DNAJC10: variants seen among roughly 807,000 people sequenced by gnomAD.
DNAJC10 encodes endoplasmic reticulum disulfide reductase DNAJC10.
DNAJC10 carries 101 observed loss-of-function variants against 115.0 expected under a neutral mutation model. The observed-to-expected ratio is 0.88, with a 90% CI of 0.75 to 1.04. The LOEUF (loss-of-function observed/expected upper bound fraction) is 1.04, where lower values mean the gene tolerates loss of function less well. Ranked by LOEUF, DNAJC10 falls within the 50% of genes least tolerant of loss-of-function variation. The pLI, the probability that DNAJC10 is intolerant of heterozygous loss-of-function variation, is 0.00. For missense variants in DNAJC10, 981 were observed against 928.8 expected, an observed-to-expected ratio of 1.06 and a Z score of -0.73; for synonymous variants, 307 against 301.5, an observed-to-expected ratio of 1.02 and a Z score of -0.19.
At chr2:182,759,847 G>C (rs566033148) in intron 21 of DNAJC10, among the ~76,000 whole-genome samples, 1 of 152,054 alleles carries the variant, frequency 6.6e-6, no homozygotes, top group East Asian at 1.9e-4. Flanking sequence ...CCCTCTGTAT[G>C]CAGGGTTTCA....
At position 182,716,371 on chromosome 2, in the gene DNAJC10, A is replaced by C. The variant is rs1692989939; in HGVS notation, c.-316A>C. The C allele has an allele frequency of 1.3e-5, 2 of 152,200 alleles. No homozygotes were observed. Among genetic ancestry groups the C allele is most frequent in the African/African-American group, 4.8e-5 (2 of 41,418 alleles). 9.4% of individuals were successfully genotyped at this position (152,200 alleles called of 1,614,324 possible). A position where few individuals can be genotyped will look rare whatever the true frequency, so the allele number is the denominator to read the frequency against. ...CCGTGCGCCGCGGCTGGGCCGTCGG[A>C]GAGTGCGTGTGCTTCTCTCCTGCAC... On this transcript the variant is annotated 5_prime_UTR_variant, in exon 1 of 24. Coordinates refer to ENST00000264065, the MANE Select transcript of DNAJC10 (RefSeq NM_018981.4).
In DNAJC10 at chr2:182,751,681, C is replaced by T. The variant is rs770939604; in HGVS notation, c.1330C>T (p.Leu444Phe). Residue 444 changes from leucine (L) to phenylalanine (F), a missense_variant, in exon 15 of 24, where the codon CTT becomes TTT. Transcript: ENST00000264065. ...AGGAAAGAAGATTCTATATGATATA[C>T]TTGCCTTTGCCAAAGAAAGTGTGAA... ...HHGKKILYDILAFAKESVNSH... is the reference protein window; with the variant it reads ...HHGKKILYDIFAFAKESVNSH... The T allele has an allele frequency of 6.2e-6, 10 of 1,613,730 alleles. No individual in the cohort carries two copies. The Admixed American group carries it at 1.0e-4, about 16-fold the overall frequency.
Position 182,785,107 on chromosome 2 carries a change from C to CA in DNAJC10, c.*7978dup, listed in dbSNP as rs1315039596. Reference sequence around the variant, plus strand: ...TAGTGTAATAAATAGGACAGATACTCAAAGTGTATGAATGGTATGACAATA... The same window carrying CA: ...TAGTGTAATAAATAGGACAGATACTCAAAAGTGTATGAATGGTATGACAATA... On this transcript the variant is annotated 3_prime_UTR_variant, in exon 24 of 24. Coordinates refer to ENST00000264065, the MANE Select transcript of DNAJC10 (RefSeq NM_018981.4). 5.3e-5 allele frequency: 8 copies of CA among 152,060 alleles called. No individual in the cohort carries two copies. Among genetic ancestry groups the CA allele is most frequent in the Admixed American group, 4.6e-4 (7 of 15,252 alleles). 9.4% of individuals were successfully genotyped at this position (152,060 alleles called of 1,614,324 possible).
At position 182,788,548 on chromosome 2, in the gene DNAJC10, G is replaced by C. The variant is rs1470488196; in HGVS notation, c.*11416G>C. On this transcript the variant is annotated 3_prime_UTR_variant, in exon 24 of 24. Transcript: ENST00000264065. ...AGTATTAAAATTTGAAAAATATCTTGGAAATAAGGATGGACAGTTTAAGTA... is the reference window on the plus strand; with the variant it reads ...AGTATTAAAATTTGAAAAATATCTTCGAAATAAGGATGGACAGTTTAAGTA... The C allele has an allele frequency of 5.1e-6, 1 of 195,180 alleles. No homozygotes were observed. Among genetic ancestry groups the C allele is most frequent in the African/African-American group, 2.4e-5 (1 of 42,032 alleles). The allele number at this position is 195,180 out of a possible 1,614,324, so 12.1% of individuals were successfully genotyped here.
In DNAJC10 at chr2:182,759,164, T is replaced by C; in HGVS notation, c.2002T>C (p.Leu668=). 4 of 1,573,726 alleles carry C rather than the reference T, an allele frequency of 2.5e-6. No homozygotes were observed. The highest frequency in any genetic ancestry group is 3.4e-6 in the Non-Finnish European group (4 of 1,166,400). Residue 668 remains leucine (L), a synonymous_variant, in exon 21 of 24, where the codon TTA becomes CTA. Coordinates refer to ENST00000264065, the MANE Select transcript of DNAJC10 (RefSeq NM_018981.4). ...YSLRIWGLGF[L]PQVSTDLTPQ... ...GATTTTGATCATTTGCCACAGATTT[T>C]TACCTCAAGTATCCACAGATCTAAC...
intron 23 of DNAJC10, among the ~76,000 whole-genome samples, chr2:182,776,537 C>T (rs1694711114): frequency 6.6e-6 from 1 of 152,156 alleles, no homozygotes; most frequent in Non-Finnish European, 1.5e-5. Flanking sequence ...GACAAAATAG[C>T]TCAGCCTCTG....
intron 17 of DNAJC10, among the ~76,000 whole-genome samples, chr2:182,755,841 T>C (rs992992966): frequency 6.6e-6 from 1 of 152,186 alleles, no homozygotes; most frequent in Non-Finnish European, 1.5e-5. Context: ...TTGAAACTCT[T>C]TTATTATCCA....
At chr2:182,751,974 A>G (rs1409280352) in intron 15 of DNAJC10, 98 bp from the exon 16 acceptor site, 13 of 1,233,572 alleles carry the variant, frequency 1.1e-5, no homozygotes, top group Non-Finnish European at 1.5e-5. Context: ...GCCGCTAAGT[A>G]CAGTTTGTCT....
At chr2:182,753,529 A>G (rs1236457526) in intron 16 of DNAJC10, among the ~76,000 whole-genome samples, 3 of 151,654 alleles carry the variant, frequency 2.0e-5, no homozygotes, top group Non-Finnish European at 2.9e-5. Flanking sequence ...CAAAGATACA[A>G]AATTGATGTG....
rs1470579635 is a variant in DNAJC10, at chr2:182,781,486, G to T, written c.*4354G>T. ...TCCTTTAGGTATATACCCAGTAACGGGATTGCTGGGTCAAATGGTATTTCT... is the reference window on the plus strand; with the variant it reads ...TCCTTTAGGTATATACCCAGTAACGTGATTGCTGGGTCAAATGGTATTTCT... On this transcript the variant is annotated 3_prime_UTR_variant, in exon 24 of 24. Transcript: ENST00000264065. 1 of 152,052 alleles carries T rather than the reference G, an allele frequency of 6.6e-6. No homozygotes were observed. Among genetic ancestry groups the T allele is most frequent in the Admixed American group, 6.6e-5 (1 of 15,262 alleles). The allele number at this position is 152,052 out of a possible 1,614,324, so 9.4% of individuals were successfully genotyped here. A position where few individuals can be genotyped will look rare whatever the true frequency, so the allele number is the denominator to read the frequency against.
chr2:182,729,726 T>G, intron 7 of DNAJC10, 122 bp from the exon 8 acceptor site: 1 of 548,252 alleles, frequency 1.8e-6, no homozygotes, highest in Non-Finnish European at 3.2e-6. Context: ...ATTCTGCTAT[T>G]GAGAAATAGA....
chr2:182,757,434 A>G (rs1352106270), intron 18 of DNAJC10, among the ~76,000 whole-genome samples: 1 of 152,192 alleles, frequency 6.6e-6, no homozygotes, highest in African/African-American at 2.4e-5. Flanking sequence ...AGAAGTATAT[A>G]GTTTTTTCTC....
chr2:182,725,098 G>A (rs1340355592), intron 5 of DNAJC10, among the ~76,000 whole-genome samples: 1 of 151,816 alleles, frequency 6.6e-6, no homozygotes, highest in African/African-American at 2.4e-5. Flanking sequence ...TTATTATTCT[G>A]TCTGTTACAG....
chr2:182,774,045 G>T (rs7576939), intron 22 of DNAJC10, among the ~76,000 whole-genome samples: 66,418 of 151,970 alleles, frequency 0.44, 16,903 homozygotes, highest in Middle Eastern at 0.57. Flanking sequence ...TGATGCTGAT[G>T]CTATTCCTTT....
At chr2:182,728,840 T>C in intron 6 of DNAJC10, 23 bp from the exon 7 acceptor site, 1 of 1,613,476 alleles carries the variant, frequency 6.2e-7, no homozygotes, top group Middle Eastern at 1.7e-4. Context: ...ATCAGAGAAA[T>C]ATGTTTTCTT....
Position 182,782,138 on chromosome 2 carries a change from G to T in DNAJC10, c.*5006G>T, listed in dbSNP as rs1303064022. The T allele has an allele frequency of 6.6e-6, 1 of 152,110 alleles. No homozygotes were observed. The highest frequency in any genetic ancestry group is 1.5e-5 in the Non-Finnish European group (1 of 68,014). 9.4% of individuals were successfully genotyped at this position (152,110 alleles called of 1,614,324 possible). On this transcript the variant is annotated 3_prime_UTR_variant, in exon 24 of 24. Coordinates refer to ENST00000264065, the MANE Select transcript of DNAJC10 (RefSeq NM_018981.4). ...AATTTTTATATAAGGTGTAAGGAAG[G>T]GGTCCCAGTTTCAGTTTTCTACATG...
In DNAJC10 at chr2:182,780,051, A is replaced by G. The variant is rs898790755; in HGVS notation, c.*2919A>G. 2 of 152,336 alleles carry G rather than the reference A, an allele frequency of 1.3e-5. No individual in the cohort carries two copies. Among genetic ancestry groups the G allele is most frequent in the African/African-American group, 4.8e-5 (2 of 41,586 alleles). The allele number at this position is 152,336 out of a possible 1,614,324, so 9.4% of individuals were successfully genotyped here. ...TGCATTTTAAATTTTTATGATACCTATAGAAAATTGATAATGAAGATGAAA... is the reference window on the plus strand; with the variant it reads ...TGCATTTTAAATTTTTATGATACCTGTAGAAAATTGATAATGAAGATGAAA... On this transcript the variant is annotated 3_prime_UTR_variant, in exon 24 of 24. Transcript: ENST00000264065.
intron 23 of DNAJC10, among the ~76,000 whole-genome samples, chr2:182,776,258 TTTC>T (rs893872706): frequency 1.3e-5 from 2 of 152,210 alleles, no homozygotes; most frequent in Admixed American, 1.3e-4. Flanking sequence ...AATAGCAAAT[TTTC>T]TTTTGTTCTT....
intron 16 of DNAJC10, chr2:182,752,466 C>G (rs911860168): frequency 2.4e-6 from 1 of 409,332 alleles, no homozygotes; most frequent in East Asian, 9.7e-5. Context: ...ATATGATTTT[C>G]CAATTATTGA....
Sources: gnomAD v4.1 joint callset for allele counts (sites outside exome capture counted in the v4.1 genomes callset) on GRCh38, gnomAD v4.1.1 for gene constraint, MANE v1.5 for transcripts, NCBI Gene and HGNC (gene_info 2026-07-23, HGNC 2026-07-21) for gene names.